The following AFAP1 variants were observed in gnomAD, a reference collection of about 807,000 sequenced individuals.
AFAP1 encodes the protein actin filament associated protein 1.
In AFAP1, 75 loss-of-function variants were observed where a neutral mutation model predicts 93.9. The ratio of observed to expected loss-of-function variants is 0.80; its 90% CI spans 0.66 to 0.97. AFAP1 has a LOEUF of 0.97. AFAP1 is among the 50% of genes least tolerant of loss of function. The pLI, the probability that AFAP1 is intolerant of heterozygous loss-of-function variation, is 0.00. For synonymous variants in AFAP1, 517 were observed against 430.7 expected (o/e 1.20, Z -2.48); for missense variants, 1,201 against 1,050.8 (o/e 1.14, Z -1.98).
intron 1 of AFAP1, among the ~76,000 whole-genome samples, chr4:7,928,361 G>C (rs1019716610): frequency 2.6e-5 from 4 of 152,088 alleles, no homozygotes; most frequent in African/African-American, 9.7e-5. Context: ...ACGTACCCAG[G>C]CTGGGTAAAA....
At chr4:7,828,747 T>C (rs1368478543) in intron 6 of AFAP1, among the ~76,000 whole-genome samples, 1 of 152,152 alleles carries the variant, frequency 6.6e-6, no homozygotes. Flanking sequence ...CCTTTACAGA[T>C]GAAGAAACAG....
chr4:7,832,382 G>A (rs1260358080), intron 6 of AFAP1, among the ~76,000 whole-genome samples: 1 of 151,950 alleles, frequency 6.6e-6, no homozygotes, highest in Non-Finnish European at 1.5e-5. Flanking sequence ...ACAGCGGTGG[G>A]AGCCACTGCT....
intron 4 of AFAP1, among the ~76,000 whole-genome samples, chr4:7,844,545 C>A (rs1275137496): frequency 1.3e-5 from 2 of 152,212 alleles, no homozygotes; most frequent in East Asian, 3.8e-4. Flanking sequence ...CAGCACACCT[C>A]AACACTGGCC....
At chr4:7,856,115 A>G (rs73088591) in intron 3 of AFAP1, among the ~76,000 whole-genome samples, 14,083 of 152,274 alleles carry the variant, frequency 0.092, 1,228 homozygotes, top group East Asian at 0.48. Context: ...GCTTGCCCAC[A>G]TTCTCACCAT....
At chr4:7,907,328 C>T (rs145092547) in intron 1 of AFAP1, among the ~76,000 whole-genome samples, 69 of 152,260 alleles carry the variant, frequency 4.5e-4, no homozygotes, top group East Asian at 1.5e-3. Flanking sequence ...CTGCAACGTC[C>T]CTGTAAATGT....
intron 14 of AFAP1, chr4:7,776,288 T>C (rs2148970903): frequency 6.6e-6 from 1 of 152,230 alleles, no homozygotes; most frequent in East Asian, 1.9e-4. Context: ...AAACCCACAC[T>C]CCACCCTCCC....
At chr4:7,924,673 G>C (rs917090339) in intron 1 of AFAP1, among the ~76,000 whole-genome samples, 8 of 152,160 alleles carry the variant, frequency 5.3e-5, no homozygotes, top group African/African-American at 1.9e-4. Context: ...GACCATGCCT[G>C]ACCATGTGTA....
rs1711758916 is a variant in AFAP1, at chr4:7,832,613, G to A, written c.726+5911C>T. The stretch of plus-strand genomic sequence containing the variant: ...CTTCCTGATGAAGACAATTAGAAAA[G>A]CAAGATAACCGTCACTCTTCACAGA... On this transcript the variant is annotated intron_variant, in intron 6 of 17. Transcript: ENST00000420658. Among the ~76,000 whole-genome samples the A allele has an allele frequency of 2.7e-5, 4 of 149,308 alleles. No homozygotes were observed. The South Asian group carries it at 8.5e-4, about 32-fold the overall frequency.
chr4:7,938,243 A>G (rs6846757), intron 1 of AFAP1, among the ~76,000 whole-genome samples: 56,221 of 151,954 alleles, frequency 0.37, 11,397 homozygotes, highest in African/African-American at 0.53. Context: ...TAGGAGCCAC[A>G]GCTGCGGTAA....
intron 7 of AFAP1, among the ~76,000 whole-genome samples, chr4:7,817,456 G>A: frequency 6.6e-6 from 1 of 152,114 alleles, no homozygotes; most frequent in East Asian, 1.9e-4. Flanking sequence ...ACAAAAATTA[G>A]CCAGGCTTGG....
chr4:7,885,186 A>G (rs1317766541), intron 1 of AFAP1, among the ~76,000 whole-genome samples: 1 of 152,184 alleles, frequency 6.6e-6, no homozygotes, highest in Non-Finnish European at 1.5e-5. Flanking sequence ...CTGTATAAAA[A>G]TCTTAATTAA....
chr4:7,834,097 A>ACACACACACC (rs1278477891), intron 6 of AFAP1, among the ~76,000 whole-genome samples: 1 of 131,408 alleles, frequency 7.6e-6, no homozygotes, highest in East Asian at 2.0e-4. Flanking sequence ...TGGCATACAC[A>ACACACACACC]CACACACACA....
Position 7,773,896 on chromosome 4 carries a change from C to G in AFAP1, c.2062+843G>C, listed in dbSNP as rs13139029. ...AGTCCAGCAAGGCTGGAGCTGCTAACCACCTGCTGGGTGTGCGTCAGCTCC... is the reference window on the plus strand; with the variant it reads ...AGTCCAGCAAGGCTGGAGCTGCTAAGCACCTGCTGGGTGTGCGTCAGCTCC... On this transcript the variant is annotated intron_variant, in intron 15 of 17. Transcript: ENST00000420658. The G allele has an allele frequency of 3.0e-3, 465 of 152,544 alleles. 1 individual carries two copies. Among genetic ancestry groups the G allele is most frequent in the Middle Eastern group, 6.8e-3 (2 of 294 alleles). The allele number at this position is 152,544 out of a possible 1,614,324, so 9.4% of individuals were successfully genotyped here.
chr4:7,809,759 C>A lies in AFAP1; in HGVS notation c.909G>T (p.Lys303Asn). The change falls in exon 9 of 18, where the codon AAG (lysine) becomes AAT (asparagine). Residue 303 changes from lysine to asparagine, a missense_variant. Lys to Asn is a moderately conservative substitution (Grantham distance 94). Coordinates refer to ENST00000420658, the MANE Select transcript of AFAP1 (RefSeq NM_001134647.2). ...CCTCTGATTTGGAACTTTTCTTCCTCTTCACTGTCAAGAGTAACAACAGCA... is the reference window on the plus strand; with the variant it reads ...CCTCTGATTTGGAACTTTTCTTCCTATTCACTGTCAAGAGTAACAACAGCA... ...ITTCNGKEQV[K>N]RKKSSKSEAK... 6.2e-7 allele frequency: 1 copy of A among 1,612,814 alleles called. No individual in the cohort carries two copies. Among genetic ancestry groups the A allele is most frequent in the Non-Finnish European group, 8.5e-7 (1 of 1,179,642 alleles).
At chr4:7,873,342 CTTTTTTTTTTTTTT>C (rs1158765422) in intron 1 of AFAP1, among the ~76,000 whole-genome samples, 3 of 50,998 alleles carry the variant, frequency 5.9e-5, no homozygotes, top group Non-Finnish European at 1.1e-4. Flanking sequence ...GAAGACACAC[CTTTTTTTTTTTTTT>C]TTTTTTTTTT....
Position 7,855,553 on chromosome 4 carries a change from G to C in AFAP1, c.247C>G (p.Pro83Ala). The C allele has an allele frequency of 6.2e-7, 1 of 1,613,914 alleles. No homozygotes were observed. The highest frequency in any genetic ancestry group is 8.5e-7 in the Non-Finnish European group (1 of 1,179,834). ...PWLPPDSGPP[P>A]LPTSSLPEGY... ...TCTGGGAGGGAGGATGTTGGCAATGGTGGAGGCCCACTGTCAGGAGGCTGA... is the reference window on the plus strand; with the variant it reads ...TCTGGGAGGGAGGATGTTGGCAATGCTGGAGGCCCACTGTCAGGAGGCTGA... The change falls in exon 4 of 18, where the codon CCA becomes GCA. Residue 83 changes from proline (P) to alanine (A), a missense_variant. Pro to Ala is a conservative substitution (Grantham distance 27, BLOSUM62 -1). Coordinates refer to ENST00000420658, the MANE Select transcript of AFAP1 (RefSeq NM_001134647.2).
intron 3 of AFAP1, among the ~76,000 whole-genome samples, chr4:7,861,533 G>C (rs1044773273): frequency 6.6e-6 from 1 of 152,184 alleles, no homozygotes; most frequent in Non-Finnish European, 1.5e-5. Context: ...AGTAAACACT[G>C]GGAAGATTGT....
At chr4:7,917,518 A>G (rs918291958) in intron 1 of AFAP1, among the ~76,000 whole-genome samples, 1 of 152,256 alleles carries the variant, frequency 6.6e-6, no homozygotes, top group African/African-American at 2.4e-5. Flanking sequence ...TTGCTTTTGT[A>G]AAGTTTTTGA....
chr4:7,892,168 A>G (rs964742050), intron 1 of AFAP1, among the ~76,000 whole-genome samples: 5 of 152,248 alleles, frequency 3.3e-5, no homozygotes, highest in Non-Finnish European at 7.3e-5. Context: ...AATTTCTCCT[A>G]AATCACTGCA....
Sources: allele counts gnomAD v4.1 joint callset (sites outside exome capture counted in the v4.1 genomes callset), GRCh38; gene constraint gnomAD v4.1.1; transcripts MANE v1.5; gene names NCBI Gene and HGNC (gene_info 2026-07-23, HGNC 2026-07-21).